Variants in APBB2 observed in about 807,000 individuals in gnomAD.
The protein encoded by APBB2 is Fe65-like 1.
In APBB2, 38 loss-of-function variants were observed where a neutral mutation model predicts 82.5. The ratio of observed to expected loss-of-function variants is 0.46; its 90% CI spans 0.36 to 0.60. APBB2 has a LOEUF of 0.60. Among genes scored for constraint, APBB2 ranks in the 20% least tolerant of loss-of-function variants. APBB2 has a pLI of 0.00. For missense variants in APBB2, 772 were observed against 972.3 expected (o/e 0.79, Z 2.74); for synonymous variants, 341 against 368.2 (o/e 0.93, Z 0.85).
intron 12 of APBB2, among the ~76,000 whole-genome samples, chr4:40,872,399 T>C (rs1160182136): frequency 6.6e-6 from 1 of 152,120 alleles, no homozygotes; most frequent in Non-Finnish European, 1.5e-5. Flanking sequence ...GTCCTAAGGA[T>C]AGGGATGTCA....
At chr4:40,828,984 G>T (rs889516118) in intron 13 of APBB2, among the ~76,000 whole-genome samples, 1 of 151,770 alleles carries the variant, frequency 6.6e-6, no homozygotes, top group African/African-American at 2.4e-5. Context: ...AGAATTGTGG[G>T]AGTGAGGCTG....
intron 6 of APBB2, among the ~76,000 whole-genome samples, chr4:41,007,156 G>A (rs2154425379): frequency 6.6e-6 from 1 of 152,182 alleles, no homozygotes; most frequent in Non-Finnish European, 1.5e-5. Flanking sequence ...GGGCCTTTGG[G>A]AGGTAACTGC....
chr4:41,085,463 T>A (rs1739325506), intron 3 of APBB2, among the ~76,000 whole-genome samples: 1 of 152,174 alleles, frequency 6.6e-6, no homozygotes, highest in African/African-American at 2.4e-5. Flanking sequence ...CTTTCATCCC[T>A]AAGTTCACTC....
At chr4:41,186,101 T>C (rs1772823008) in intron 1 of APBB2, among the ~76,000 whole-genome samples, 2 of 152,214 alleles carry the variant, frequency 1.3e-5, no homozygotes, top group Admixed American at 1.3e-4. Context: ...ACCATAAATA[T>C]GAATAACAGA....
At chr4:41,096,383 A>T (rs1042848804) in intron 3 of APBB2, among the ~76,000 whole-genome samples, 5 of 152,242 alleles carry the variant, frequency 3.3e-5, no homozygotes, top group Non-Finnish European at 5.9e-5. Context: ...CAAGTGCTTA[A>T]CGGTATGGCT....
At chr4:41,059,187 G>A (rs1268576885) in intron 4 of APBB2, among the ~76,000 whole-genome samples, 3 of 152,148 alleles carry the variant, frequency 2.0e-5, no homozygotes, top group South Asian at 2.1e-4. Flanking sequence ...TAGGCTGGGC[G>A]AGGTGGCTCA....
intron 2 of APBB2, among the ~76,000 whole-genome samples, chr4:41,133,251 T>C (rs566069551): frequency 4.1e-4 from 62 of 152,374 alleles, no homozygotes; most frequent in African/African-American, 1.4e-3. Context: ...TATCTTGGCA[T>C]AGTTTTAAGT....
chr4:41,013,988 C>A lies in APBB2; in HGVS notation c.430G>T (p.Asp144Tyr). ...GGTAAAATCTCACAGCTCGAGGAAT[C>A]CTGTGGGTGGGGCTCTTTACCCTCT... ...KLEGKEPHPQ[D>Y]SSSCEILPSQ... Residue 144 changes from aspartate (D) to tyrosine (Y), a missense_variant, in exon 6 of 18, where the codon GAT becomes TAT. Physicochemically the swap from Asp to Tyr is radical, Grantham distance 160. Transcript: ENST00000508593. 1 of 1,614,140 alleles carries A rather than the reference C, an allele frequency of 6.2e-7. No homozygotes were observed. Among genetic ancestry groups the A allele is most frequent in the African/African-American group, 1.3e-5 (1 of 75,042 alleles).
At position 41,041,019 on chromosome 4, in the gene APBB2, T is replaced by A. The variant is rs142686476; in HGVS notation, c.-50-7715A>T. ...CCTCAGCCTCTCGAGCAGCTGGGACTACAAGCGCCCACCACCACACCCGGC... is the reference window on the plus strand; with the variant it reads ...CCTCAGCCTCTCGAGCAGCTGGGACAACAAGCGCCCACCACCACACCCGGC... On this transcript the variant is annotated intron_variant, in intron 4 of 17. Transcript: ENST00000508593. Among the ~76,000 whole-genome samples the A allele has an allele frequency of 3.8e-3, 578 of 152,294 alleles. 4 individuals carry two copies. The highest frequency in any genetic ancestry group is 0.013 in the African/African-American group (535 of 41,564).
At chr4:40,929,950 G>A (rs1388392174) in intron 10 of APBB2, among the ~76,000 whole-genome samples, 3 of 152,102 alleles carry the variant, frequency 2.0e-5, no homozygotes, top group East Asian at 1.9e-4. Flanking sequence ...GACAGATTAC[G>A]GTGCTATTAA....
At chr4:41,017,166 G>A (rs1029560508) in intron 5 of APBB2, among the ~76,000 whole-genome samples, 2 of 152,072 alleles carry the variant, frequency 1.3e-5, no homozygotes, top group Non-Finnish European at 2.9e-5. Flanking sequence ...CAAAGTACTG[G>A]GATTACAGGC....
At chr4:41,021,758 TC>T (rs1371585924) in intron 5 of APBB2, among the ~76,000 whole-genome samples, 6 of 152,146 alleles carry the variant, frequency 3.9e-5, no homozygotes, top group Admixed American at 6.5e-5. Flanking sequence ...GAAGCTTTGT[TC>T]TTTCACTCTT....
At chr4:40,983,632 C>A in intron 6 of APBB2, among the ~76,000 whole-genome samples, 1 of 151,750 alleles carries the variant, frequency 6.6e-6, no homozygotes. Flanking sequence ...GGCTGGAGTG[C>A]AATGGTGCCA....
intron 2 of APBB2, among the ~76,000 whole-genome samples, chr4:41,121,357 C>T (rs1580211115): frequency 1.3e-5 from 2 of 152,284 alleles, no homozygotes; most frequent in African/African-American, 4.8e-5. Flanking sequence ...GCATCAAATA[C>T]CACAAAAATA....
chr4:40,850,559 A>AT (rs1489569558), intron 12 of APBB2, among the ~76,000 whole-genome samples: 1 of 152,142 alleles, frequency 6.6e-6, no homozygotes, highest in Non-Finnish European at 1.5e-5. Flanking sequence ...GCAAATTATG[A>AT]TCCCCCCAAA....
At chr4:40,980,374 T>A (rs1316816640) in intron 6 of APBB2, among the ~76,000 whole-genome samples, 1 of 152,210 alleles carries the variant, frequency 6.6e-6, no homozygotes, top group Non-Finnish European at 1.5e-5. Flanking sequence ...CTGGAAAGGA[T>A]TCCCCATCTC....
At chr4:40,883,544 G>A (rs1683968565) in intron 12 of APBB2, among the ~76,000 whole-genome samples, 1 of 151,964 alleles carries the variant, frequency 6.6e-6, no homozygotes, top group Non-Finnish European at 1.5e-5. Context: ...CCGAGATCAT[G>A]CTACTGCACT....
At chr4:40,968,236 A>C (rs184285783) in intron 6 of APBB2, among the ~76,000 whole-genome samples, 2 of 152,346 alleles carry the variant, frequency 1.3e-5, no homozygotes, top group East Asian at 3.9e-4. Context: ...TGAGCCAGGC[A>C]GTCATATACC....
intron 12 of APBB2, among the ~76,000 whole-genome samples, chr4:40,841,756 G>A (rs566452248): frequency 3.9e-4 from 59 of 152,158 alleles, no homozygotes; most frequent in African/African-American, 1.3e-3. Flanking sequence ...TTGGCTCACC[G>A]CAACCACTGC....
Sources: allele counts gnomAD v4.1 joint callset (sites outside exome capture counted in the v4.1 genomes callset), GRCh38; gene constraint gnomAD v4.1.1; transcripts MANE v1.5; gene names NCBI Gene and HGNC (gene_info 2026-07-23, HGNC 2026-07-21).